NTSR1: variants seen among roughly 807,000 people sequenced by gnomAD.
NTSR1 encodes neurotensin receptor type 1.
NTSR1 carries 29 observed loss-of-function variants against 31.2 expected under a neutral mutation model. That is an observed-to-expected ratio of 0.93 (90% confidence interval 0.69 to 1.27). NTSR1 has a LOEUF of 1.27. Among genes scored for constraint, NTSR1 ranks in the 50% most tolerant of loss-of-function variants. The pLI is 0.00. For missense variants in NTSR1, 697 were observed against 595.4 expected, an observed-to-expected ratio of 1.17 and a Z score of -1.78; for synonymous variants, 282 against 269.9, an observed-to-expected ratio of 1.04 and a Z score of -0.44.
chr20:62,735,228 G>A (rs1317749403), intron 1 of NTSR1: 1 of 152,432 alleles, frequency 6.6e-6, no homozygotes, highest in Admixed American at 6.5e-5. Context: ...GGACCTACCA[G>A]GCCTGCAGGG....
chr20:62,743,437 C>A lies in NTSR1; in HGVS notation c.715-11248C>A, dbSNP rs1250020291. ...CAGTGTTTGCTGGGTCTAGTGGGGG[C>A]CTCTCCACCTGGAGTCTGTCTGGGA... On this transcript the variant is annotated intron_variant, in intron 1 of 3. Transcript: ENST00000370501. This position sits in a 1 kb window ranked among gnomAD's most constrained non-coding sequence, Gnocchi z 7.5. Among the ~76,000 whole-genome samples, 1 of 152,186 alleles carries A rather than the reference C, an allele frequency of 6.6e-6. No individual in the cohort carries two copies. Among genetic ancestry groups the A allele is most frequent in the Non-Finnish European group, 1.5e-5 (1 of 68,038 alleles).
intron 1 of NTSR1, among the ~76,000 whole-genome samples, chr20:62,721,841 T>C (rs7273585): frequency 0.067 from 10,180 of 152,270 alleles, 689 homozygotes; most frequent in African/African-American, 0.18. Context: ...CTGACTTCTT[T>C]AGATCCACTT....
At position 62,711,439 on chromosome 20, in the gene NTSR1, C is replaced by T. The variant is rs921740691; in HGVS notation, c.714+1518C>T. Among the ~76,000 whole-genome samples the T allele has an allele frequency of 2.0e-5, 3 of 152,184 alleles. No individual in the cohort carries two copies. Among genetic ancestry groups the T allele is most frequent in the South Asian group, 2.1e-4 (1 of 4,832 alleles). On this transcript the variant is annotated intron_variant, in intron 1 of 3. Coordinates refer to ENST00000370501, the MANE Select transcript of NTSR1 (RefSeq NM_002531.3). The surrounding 1 kb of genome is among the most constrained non-coding windows in gnomAD (Gnocchi z 6.4). ...GGCCAGGGGGAACCTCTCCCCAGTC[C>T]GCGTGGAGGGGCCCCAGGGGCGACA...
At chr20:62,734,802 A>G (rs532977745) in intron 1 of NTSR1, among the ~76,000 whole-genome samples, 1 of 152,402 alleles carries the variant, frequency 6.6e-6, no homozygotes, top group South Asian at 2.1e-4. Context: ...TTTTGAATAC[A>G]TTAAGTTAAA....
Position 62,758,864 on chromosome 20 carries a change from C to T in NTSR1, c.1007+508C>T, listed in dbSNP as rs1371376716. ...GTCAGCGGAAGACCAGATGCAGCTT[C>T]CAGGGCCCCCTCCCAGAGGAGCCTC... On this transcript the variant is annotated intron_variant, in intron 3 of 3. Transcript: ENST00000370501. This position sits in a 1 kb window ranked among gnomAD's most constrained non-coding sequence, Gnocchi z 4.5. Among the ~76,000 whole-genome samples, 5 of 152,204 alleles carry T rather than the reference C, an allele frequency of 3.3e-5. No homozygotes were observed. The highest frequency in any genetic ancestry group is 4.8e-5 in the African/African-American group (2 of 41,440).
At chr20:62,729,068 C>T (rs1179368254) in intron 1 of NTSR1, among the ~76,000 whole-genome samples, 6 of 152,218 alleles carry the variant, frequency 3.9e-5, no homozygotes, top group Non-Finnish European at 8.8e-5. Context: ...GGGGCTCGTG[C>T]CCTGCAGGGA....
At chr20:62,736,458 G>A (rs1989094955) in intron 1 of NTSR1, among the ~76,000 whole-genome samples, 1 of 152,242 alleles carries the variant, frequency 6.6e-6, no homozygotes, top group Non-Finnish European at 1.5e-5. Flanking sequence ...CTCCTCTGTG[G>A]ATCACTCCAA....
In NTSR1 at chr20:62,709,116, C is replaced by A. The variant is rs1040808000; in HGVS notation, c.-92C>A. ...CGCCACGCGCCCTCCCCTGGGCTCC[C>A]GTTCATCGGTCCCCGCCTGAGACGC... On this transcript the variant is annotated 5_prime_UTR_variant, in exon 1 of 4. Coordinates refer to ENST00000370501, the MANE Select transcript of NTSR1 (RefSeq NM_002531.3). The A allele has an allele frequency of 8.3e-6, 9 of 1,080,154 alleles. No individual in the cohort carries two copies. The highest frequency in any genetic ancestry group is 3.2e-5 in the East Asian group (1 of 31,306). 66.9% of individuals were successfully genotyped at this position (1,080,154 alleles called of 1,614,324 possible).
intron 1 of NTSR1, among the ~76,000 whole-genome samples, chr20:62,740,328 G>A (rs1175326054): frequency 7.2e-6 from 1 of 138,098 alleles, no homozygotes; most frequent in Non-Finnish European, 1.5e-5. Flanking sequence ...AAGGAAAAGG[G>A]TTGTGGGGCT....
intron 1 of NTSR1, among the ~76,000 whole-genome samples, chr20:62,725,395 C>T (rs1399329470): frequency 2.0e-5 from 3 of 152,212 alleles, no homozygotes; most frequent in African/African-American, 7.2e-5. Context: ...CAGTGGGAAG[C>T]GGGAGGCGGG....
intron 1 of NTSR1, among the ~76,000 whole-genome samples, chr20:62,748,827 T>C (rs1483283309): frequency 6.6e-6 from 1 of 152,096 alleles, no homozygotes; most frequent in Non-Finnish European, 1.5e-5. Context: ...CAAGGGGAGC[T>C]GGTGGCTTTA....
Position 62,718,223 on chromosome 20 carries a change from C to A in NTSR1, c.714+8302C>A, listed in dbSNP as rs577490025. Among the ~76,000 whole-genome samples the A allele has an allele frequency of 6.9e-4, 105 of 152,204 alleles. 2 individuals are homozygous for A. Among genetic ancestry groups the A allele is most frequent in the Middle Eastern group, 6.8e-3 (2 of 294 alleles). On this transcript the variant is annotated intron_variant, in intron 1 of 3. Transcript: ENST00000370501. The stretch of plus-strand genomic sequence containing the variant: ...CGTGGGAGATTCTGAGCAGAGCCGC[C>A]ACGTGACTTACACGTTAAAGGGACA...
rs1328243268 is a variant in NTSR1 at position 62,733,839 on chromosome 20, A to G, written c.715-20846A>G. ...CTACCCTTGCCTGGGGTCTCAGCTG[A>G]GAGAGGGAAGGCTCTGTGCTGGGGA... On this transcript the variant is annotated intron_variant, in intron 1 of 3. Coordinates refer to ENST00000370501, the MANE Select transcript of NTSR1 (RefSeq NM_002531.3). This position sits in a 1 kb window ranked among gnomAD's most constrained non-coding sequence, Gnocchi z 5.2. Among the ~76,000 whole-genome samples, 14 of 152,102 alleles carry G rather than the reference A, an allele frequency of 9.2e-5. No individual in the cohort carries two copies. The highest frequency in any genetic ancestry group is 2.9e-5 in the Non-Finnish European group (2 of 68,004).
chr20:62,746,738 G>C (rs1989307060), intron 1 of NTSR1, among the ~76,000 whole-genome samples: 1 of 152,112 alleles, frequency 6.6e-6, no homozygotes, highest in Non-Finnish European at 1.5e-5. Flanking sequence ...AATCTGAAAG[G>C]ACCAATAACA....
At chr20:62,735,528 C>T (rs1428191035) in intron 1 of NTSR1, among the ~76,000 whole-genome samples, 2 of 152,202 alleles carry the variant, frequency 1.3e-5, no homozygotes, top group Non-Finnish European at 2.9e-5. Context: ...ACAGATGAGC[C>T]GATTATGTCT....
intron 1 of NTSR1, among the ~76,000 whole-genome samples, chr20:62,712,250 T>G (rs117161424): frequency 0.048 from 7,317 of 152,324 alleles, 240 homozygotes; most frequent in Non-Finnish European, 0.072. Context: ...TTGGCAGATC[T>G]GGGCAAACAT....
chr20:62,760,632 G>C lies in NTSR1; in HGVS notation c.*365G>C, dbSNP rs1989604846. On this transcript the variant is annotated 3_prime_UTR_variant, in exon 4 of 4. Transcript: ENST00000370501. ...CCAGAGAAGGAAATGAAAGGTGCTG[G>C]GTGGGGCCGGGCCTCCGGCGGCCCG... 5.1e-6 allele frequency: 1 copy of C among 196,056 alleles called. No homozygotes were observed. The highest frequency in any genetic ancestry group is 1.1e-5 in the Non-Finnish European group (1 of 94,790). The allele number at this position is 196,056 out of a possible 1,614,324, so 12.1% of individuals were successfully genotyped here. A position where few individuals can be genotyped will look rare whatever the true frequency, so the allele number is the denominator to read the frequency against.
Position 62,733,400 on chromosome 20 carries a change from C to T in NTSR1, c.715-21285C>T, listed in dbSNP as rs1019535907. Among the ~76,000 whole-genome samples, 9 of 152,130 alleles carry T rather than the reference C, an allele frequency of 5.9e-5. No homozygotes were observed. The highest frequency in any genetic ancestry group is 9.7e-5 in the African/African-American group (4 of 41,430). ...TTTCCGGGAGCAAATGAGCATCTCT[C>T]GGGACAGTTGTGTTTCCCTTGGGCA... On this transcript the variant is annotated intron_variant, in intron 1 of 3. Transcript: ENST00000370501. This position sits in a 1 kb window ranked among gnomAD's most constrained non-coding sequence, Gnocchi z 5.2.
chr20:62,731,091 T>G (rs1407693689), intron 1 of NTSR1, among the ~76,000 whole-genome samples: 1 of 152,224 alleles, frequency 6.6e-6, no homozygotes, highest in Non-Finnish European at 1.5e-5. Flanking sequence ...TGTTTTTTCT[T>G]TTTTGTTTTT....
Sources: gnomAD v4.1 joint callset for allele counts (sites outside exome capture counted in the v4.1 genomes callset) on GRCh38, gnomAD v4.1.1 for gene constraint, Gnocchi (gnomAD v3.1) non-coding constraint, MANE v1.5 for transcripts, NCBI Gene and HGNC (gene_info 2026-07-23, HGNC 2026-07-21) for gene names.